The following TRIM24 variants were observed in gnomAD, a reference collection of about 807,000 sequenced individuals.
The protein encoded by TRIM24 is tripartite motif containing 24, also known as transcription intermediary factor 1-alpha.
A neutral mutation model predicts 123.9 loss-of-function variants in TRIM24; 29 were observed. The ratio of observed to expected loss-of-function variants is 0.23; its 90% CI spans 0.17 to 0.32. The LOEUF (loss-of-function observed/expected upper bound fraction) is 0.32, where lower values mean the gene tolerates loss of function less well. Ranked by LOEUF, TRIM24 falls within the 10% of genes least tolerant of loss-of-function variation. TRIM24 has a pLI of 1.00. For missense variants in TRIM24, 932 were observed against 1,295.3 expected (o/e 0.72, Z 4.31); for synonymous variants, 456 against 461.1 (o/e 0.99, Z 0.14).
intron 1 of TRIM24, among the ~76,000 whole-genome samples, chr7:138,472,772 A>G (rs764836040): frequency 1.3e-5 from 2 of 152,246 alleles, no homozygotes; most frequent in Non-Finnish European, 2.9e-5. Flanking sequence ...ACATTGCCAC[A>G]GAATGTTGAC....
At chr7:138,569,171 T>TA (rs1426032690) in intron 10 of TRIM24, among the ~76,000 whole-genome samples, 1 of 152,204 alleles carries the variant, frequency 6.6e-6, no homozygotes, top group African/African-American at 2.4e-5. Flanking sequence ...CTTGCAGAGT[T>TA]ATGTTGAGAG....
chr7:138,551,097 G>A lies in TRIM24; in HGVS notation c.1178G>A (p.Arg393Lys), dbSNP rs1234098873. The change falls in exon 8 of 19, where the codon AGG becomes AAG. Residue 393 changes from arginine to lysine, a missense_variant. Transcript: ENST00000343526. ...CGGTTACGGCACCTCCTTCGTGCAA[G>A]GTGTGATGCATCCCCAGTGACCAAC... The part of the protein sequence containing the change: ...TYRLRHLLRA[R>K]CDASPVTNNT... 6.2e-7 allele frequency: 1 copy of A among 1,613,824 alleles called. No homozygotes were observed. Among genetic ancestry groups the A allele is most frequent in the Non-Finnish European group, 8.5e-7 (1 of 1,179,796 alleles).
intron 11 of TRIM24, among the ~76,000 whole-genome samples, chr7:138,572,701 T>C (rs926361945): frequency 1.3e-5 from 2 of 152,206 alleles, no homozygotes; most frequent in Non-Finnish European, 2.9e-5. Context: ...AGAATCCTGG[T>C]TGAACAAGAG....
chr7:138,557,892 T>A (rs1169988616), intron 9 of TRIM24, among the ~76,000 whole-genome samples: 3 of 152,208 alleles, frequency 2.0e-5, no homozygotes, highest in Non-Finnish European at 4.4e-5. Flanking sequence ...AGGTACAGTA[T>A]CCATACATTC....
chr7:138,571,020 T>C lies in TRIM24; in HGVS notation c.1878+17T>C, dbSNP rs766130407. The C allele has an allele frequency of 4.3e-6, 7 of 1,613,106 alleles. No individual in the cohort carries two copies. Among genetic ancestry groups the C allele is most frequent in the South Asian group, 3.3e-5 (3 of 91,036 alleles). ...CTTCCGGATGTAAGTAGACACAAAA[T>C]TTATACTAGCCTCTGTTGAAAACTG... On this transcript the variant is annotated intron_variant, in intron 11 of 18. Transcript: ENST00000343526.
At chr7:138,477,895 G>C (rs893739471) in intron 1 of TRIM24, among the ~76,000 whole-genome samples, 1 of 152,160 alleles carries the variant, frequency 6.6e-6, no homozygotes, top group Non-Finnish European at 1.5e-5. Flanking sequence ...TTGATTAGCT[G>C]ATATATTTGA....
intron 7 of TRIM24, among the ~76,000 whole-genome samples, chr7:138,540,966 T>C (rs1796991104): frequency 6.6e-6 from 1 of 152,174 alleles, no homozygotes; most frequent in African/African-American, 2.4e-5. Context: ...AGCCTCCCAA[T>C]AGCTGGGACT....
At chr7:138,538,925 T>C in intron 7 of TRIM24, 122 bp downstream of exon 7, 1 of 888,972 alleles carries the variant, frequency 1.1e-6, no homozygotes, top group Non-Finnish European at 1.6e-6. Context: ...CTAATATCTA[T>C]CAAAATATTT....
At chr7:138,518,225 A>AAAAAATCTTT (rs1295711899) in intron 3 of TRIM24, among the ~76,000 whole-genome samples, 2 of 152,208 alleles carry the variant, frequency 1.3e-5, no homozygotes, top group African/African-American at 4.8e-5. Flanking sequence ...TAAGTGAGAA[A>AAAAAATCTTT]AAAAATCTTT....
chr7:138,506,235 C>G (rs992811573), intron 2 of TRIM24, among the ~76,000 whole-genome samples: 2 of 152,212 alleles, frequency 1.3e-5, no homozygotes, highest in Non-Finnish European at 2.9e-5. Context: ...AAAACAGACA[C>G]GCTTGCTGTG....
intron 2 of TRIM24, among the ~76,000 whole-genome samples, chr7:138,507,661 T>C (rs1322406172): frequency 3.3e-5 from 5 of 152,150 alleles, no homozygotes; most frequent in Non-Finnish European, 7.3e-5. Context: ...CAGTAAAATA[T>C]TTTTTCTGTA....
chr7:138,580,523 G>A (rs1797870145), intron 15 of TRIM24, 39 bp from the exon 16 acceptor site: 2 of 1,586,234 alleles, frequency 1.3e-6, no homozygotes, highest in Non-Finnish European at 1.7e-6. Context: ...GAGAGGAAAT[G>A]ATGCATTAGG....
intron 3 of TRIM24, among the ~76,000 whole-genome samples, chr7:138,518,331 G>C (rs1256690238): frequency 6.6e-6 from 1 of 152,126 alleles, no homozygotes; most frequent in Non-Finnish European, 1.5e-5. Context: ...AACCAGAGGA[G>C]TGCACACCAG....
chr7:138,579,293 C>G lies in TRIM24; in HGVS notation c.2346C>G (p.Ala782=). ...TSEETVLRSD[A]PDSTGDQPGL... Reference sequence around the variant, plus strand: ...AGGAGACTGTGCTAAGATCAGATGCCCCTGATAGTACAGGAGATCAACCTG... The same window carrying G: ...AGGAGACTGTGCTAAGATCAGATGCGCCTGATAGTACAGGAGATCAACCTG... The change falls in exon 15 of 19, where the codon GCC becomes GCG. Residue 782 remains alanine (A), a synonymous_variant. Coordinates refer to ENST00000343526, the MANE Select transcript of TRIM24 (RefSeq NM_015905.3). The G allele has an allele frequency of 6.2e-7, 1 of 1,614,022 alleles. No individual in the cohort carries two copies. The highest frequency in any genetic ancestry group is 8.5e-7 in the Non-Finnish European group (1 of 1,179,944).
intron 14 of TRIM24, among the ~76,000 whole-genome samples, chr7:138,578,070 A>G (rs189002798): frequency 2.0e-5 from 3 of 152,296 alleles, no homozygotes; most frequent in East Asian, 1.9e-4. Context: ...AGTCTGTAGC[A>G]GGAAGACATA....
chr7:138,542,498 A>G (rs1489840362), intron 7 of TRIM24, among the ~76,000 whole-genome samples: 4 of 152,158 alleles, frequency 2.6e-5, no homozygotes, highest in African/African-American at 9.7e-5. Context: ...CACAATCACT[A>G]TAACAGATTA....
chr7:138,585,696 C>T lies in TRIM24; in HGVS notation c.*745C>T, dbSNP rs1252724756. On this transcript the variant is annotated 3_prime_UTR_variant, in exon 19 of 19. Coordinates refer to ENST00000343526, the MANE Select transcript of TRIM24 (RefSeq NM_015905.3). ...TCTAGATCTAGATTTTCAACTTCTT[C>T]CACTGAGGGAAGTATATACATTTGG... 5 of 395,810 alleles carry T rather than the reference C, an allele frequency of 1.3e-5. No homozygotes were observed. The highest frequency in any genetic ancestry group is 4.3e-5 in the African/African-American group (2 of 46,394). The allele number at this position is 395,810 out of a possible 1,614,324, so 24.5% of individuals were successfully genotyped here. A position where few individuals can be genotyped will look rare whatever the true frequency, so the allele number is the denominator to read the frequency against.
At chr7:138,534,996 T>G (rs1232833431) in intron 6 of TRIM24, among the ~76,000 whole-genome samples, 2 of 152,224 alleles carry the variant, frequency 1.3e-5, no homozygotes, top group Non-Finnish European at 2.9e-5. Flanking sequence ...TTTTGATGTT[T>G]GTTGGTTTAA....
At chr7:138,529,718 C>G (rs886845187) in intron 6 of TRIM24, among the ~76,000 whole-genome samples, 1 of 152,164 alleles carries the variant, frequency 6.6e-6, no homozygotes, top group Non-Finnish European at 1.5e-5. Context: ...GCCCAAGGCA[C>G]TTAGTTGTTT....
Sources: gnomAD v4.1 joint callset for allele counts (sites outside exome capture counted in the v4.1 genomes callset) on GRCh38, gnomAD v4.1.1 for gene constraint, MANE v1.5 for transcripts, NCBI Gene and HGNC (gene_info 2026-07-23, HGNC 2026-07-21) for gene names.